TRPC6: variants seen among roughly 807,000 people sequenced by gnomAD.
TRPC6 encodes transient receptor potential cation channel subfamily C member 6.
Under a neutral mutation model 90.7 loss-of-function variants are expected in TRPC6, and 55 were observed. That is an observed-to-expected ratio of 0.61 (90% CI 0.49 to 0.76). TRPC6 has a LOEUF of 0.76. TRPC6 is among the 30% of genes least tolerant of loss of function. The pLI, the probability that TRPC6 is intolerant of heterozygous loss-of-function variation, is 0.00. For missense variants in TRPC6, 989 were observed against 1,122.7 expected, an observed-to-expected ratio of 0.88 and a Z score of 1.70; for synonymous variants, 393 against 393.0, an observed-to-expected ratio of 1.00 and a Z score of 0.00.
intron 10 of TRPC6, among the ~76,000 whole-genome samples, chr11:101,463,270 C>A (rs1166688799): frequency 6.6e-6 from 1 of 152,098 alleles, no homozygotes. Flanking sequence ...CTGAAATTTT[C>A]TTTTTCTGTT....
In TRPC6 at chr11:101,489,060, A is replaced by G. The variant is rs922438416; in HGVS notation, c.1170T>C (p.Ile390=). The change falls in exon 4 of 13, where the codon ATT becomes ATC. Residue 390 remains isoleucine (I), a synonymous_variant. Coordinates refer to ENST00000344327, the MANE Select transcript of TRPC6 (RefSeq NM_004621.6). ...GTAAACCAGAAAGATTCTCATACCA[A>G]ATGGAGAGAAGTTGCTGTTGGCAGT... ...HPNCQQQLLS[I]WYENLSGLRQ... 6.8e-6 allele frequency: 11 copies of G among 1,614,062 alleles called. No homozygotes were observed. Among genetic ancestry groups the G allele is most frequent in the Non-Finnish European group, 9.3e-6 (11 of 1,180,014 alleles).
At chr11:101,557,419 A>G (rs905730456) in intron 1 of TRPC6, among the ~76,000 whole-genome samples, 1 of 152,136 alleles carries the variant, frequency 6.6e-6, no homozygotes, top group Non-Finnish European at 1.5e-5. Flanking sequence ...AATGGTGAAA[A>G]TATGAAAGCT....
chr11:101,506,196 T>G (rs984862912), intron 1 of TRPC6, among the ~76,000 whole-genome samples: 1 of 147,860 alleles, frequency 6.8e-6, no homozygotes, highest in Non-Finnish European at 1.5e-5. Context: ...AAAGAAGGCA[T>G]GTTTTTGCAG....
Position 101,583,371 on chromosome 11 carries a change from G to T in TRPC6, c.133C>A (p.Gln45Lys). Residue 45 changes from glutamine (Q) to lysine (K), a missense_variant, in exon 1 of 13, where the codon CAA becomes AAA. This residue lies in a region of TRPC6 where 194 missense variants were observed against 136.5 expected (regional missense o/e 1.42). Transcript: ENST00000344327. Reference sequence around the variant, plus strand: ...TAGCCGTAGCAAGGCAGCGGGGCTTGCGGGCAGCCGTCTTCTCCCAGCTCC... The same window carrying T: ...TAGCCGTAGCAAGGCAGCGGGGCTTTCGGGCAGCCGTCTTCTCCCAGCTCC... ...DSELGEDGCPQAPLPCYGYYP... is the reference protein window; with the variant it reads ...DSELGEDGCPKAPLPCYGYYP... The T allele has an allele frequency of 6.3e-7, 1 of 1,594,074 alleles. No homozygotes were observed.
At chr11:101,470,822 C>G (rs1859275526) in intron 9 of TRPC6, among the ~76,000 whole-genome samples, 1 of 111,706 alleles carries the variant, frequency 9.0e-6, no homozygotes, top group South Asian at 3.6e-4. Flanking sequence ...CCCCCCCTCC[C>G]CGAGTCATAA....
chr11:101,457,861 T>G (rs1230963551), intron 10 of TRPC6, among the ~76,000 whole-genome samples: 1 of 152,242 alleles, frequency 6.6e-6, no homozygotes. Flanking sequence ...TGTCAAGAGC[T>G]ATTATTTTAC....
intron 2 of TRPC6, among the ~76,000 whole-genome samples, chr11:101,500,321 G>A (rs1201641084): frequency 1.3e-5 from 2 of 149,014 alleles, no homozygotes; most frequent in African/African-American, 5.0e-5. Context: ...TGATTATCCT[G>A]CCTCAGCCTC....
At chr11:101,576,786 G>A (rs934725487) in intron 1 of TRPC6, among the ~76,000 whole-genome samples, 3 of 152,110 alleles carry the variant, frequency 2.0e-5, no homozygotes, top group Non-Finnish European at 4.4e-5. Context: ...AACTCAAGGA[G>A]CATAAACTGT....
intron 6 of TRPC6, 63 bp from the exon 7 acceptor site, chr11:101,473,836 C>G: frequency 6.2e-7 from 1 of 1,605,738 alleles, no homozygotes; most frequent in Non-Finnish European, 8.5e-7. Context: ...TAGGTAACTT[C>G]TTTTTCTGCG....
chr11:101,578,968 T>C (rs529280500), intron 1 of TRPC6, among the ~76,000 whole-genome samples: 1 of 152,110 alleles, frequency 6.6e-6, no homozygotes, highest in African/African-American at 2.4e-5. Flanking sequence ...TATGTTTAAA[T>C]GGGGTTTTTT....
chr11:101,523,776 C>T (rs1298250709), intron 1 of TRPC6, among the ~76,000 whole-genome samples: 1 of 152,206 alleles, frequency 6.6e-6, no homozygotes, highest in Non-Finnish European at 1.5e-5. Flanking sequence ...CTTTGCTTCA[C>T]TTACAGTCAT....
chr11:101,557,766 A>T (rs1295967562), intron 1 of TRPC6, among the ~76,000 whole-genome samples: 1 of 152,130 alleles, frequency 6.6e-6, no homozygotes, highest in Non-Finnish European at 1.5e-5. Context: ...CTCATTTACA[A>T]TCTCTACAAA....
intron 1 of TRPC6, among the ~76,000 whole-genome samples, chr11:101,569,462 G>C (rs984967113): frequency 2.6e-5 from 4 of 152,122 alleles, no homozygotes; most frequent in Non-Finnish European, 5.9e-5. Context: ...AGATCAAAGA[G>C]ACAAAAAATT....
intron 1 of TRPC6, among the ~76,000 whole-genome samples, chr11:101,532,313 G>T (rs1320811577): frequency 6.6e-6 from 1 of 152,124 alleles, no homozygotes; most frequent in Non-Finnish European, 1.5e-5. Context: ...TTAGAAAATT[G>T]GAAACCAGAT....
chr11:101,469,399 G>T, intron 10 of TRPC6, 28 bp downstream of exon 10: 1 of 755,956 alleles, frequency 1.3e-6, no homozygotes, highest in South Asian at 1.4e-5. Context: ...TCATGTGCAT[G>T]ACTTCATATT....
At position 101,526,771 on chromosome 11, in the gene TRPC6, G is replaced by GA. The variant is rs556612722; in HGVS notation, c.171-21974_171-21973insT. On this transcript the variant is annotated intron_variant, in intron 1 of 12. Transcript: ENST00000344327. ...CCCAGCTACTCGGGAGGCTGAGGCA[G>GA]GAGAATCTCGTCAACCCGGGAGGCG... Among the ~76,000 whole-genome samples, 27 of 146,366 alleles carry GA rather than the reference G, an allele frequency of 1.8e-4. No individual in the cohort carries two copies. In the South Asian group the frequency reaches 5.9e-3, roughly 32 times the overall value.
Position 101,476,628 on chromosome 11 carries a change from T to G in TRPC6, c.1511-94A>C, listed in dbSNP as rs1203989979. 8.5e-6 allele frequency: 10 copies of G among 1,179,698 alleles called. No homozygotes were observed. In the East Asian group the frequency reaches 9.9e-5, roughly 12 times the overall value. 73.1% of individuals were successfully genotyped at this position (1,179,698 alleles called of 1,614,324 possible). ...ATGTTTGAAAGGTCTCAGCCTGACA[T>G]TACAAAACCCTTCAAAATTTGGTCC... On this transcript the variant is annotated intron_variant, in intron 5 of 12. Transcript: ENST00000344327.
At chr11:101,491,848 T>C in intron 2 of TRPC6, 110 bp from the exon 3 acceptor site, 1 of 1,149,900 alleles carries the variant, frequency 8.7e-7, no homozygotes, top group African/African-American at 1.8e-5. Flanking sequence ...TTTTTTTTTT[T>C]TTTTTTTTTT....
intron 1 of TRPC6, among the ~76,000 whole-genome samples, chr11:101,555,113 G>T (rs1421932259): frequency 6.6e-6 from 1 of 152,180 alleles, no homozygotes; most frequent in Non-Finnish European, 1.5e-5. Flanking sequence ...ATGAGAAGGA[G>T]AGTTTCAGGC....
Sources: gnomAD v4.1 joint callset for allele counts (sites outside exome capture counted in the v4.1 genomes callset) on GRCh38, gnomAD v4.1.1 for gene constraint, gnomAD v4.1.1 regional missense constraint, MANE v1.5 for transcripts, NCBI Gene and HGNC (gene_info 2026-07-23, HGNC 2026-07-21) for gene names.